The following HMCN1 variants were observed in gnomAD, a reference collection of about 807,000 sequenced individuals.
The protein encoded by HMCN1 is hemicentin-1.
In HMCN1, 321 loss-of-function variants were observed where a neutral mutation model predicts 625.9. The observed-to-expected ratio is 0.51, with a 90% CI of 0.47 to 0.56. The LOEUF (loss-of-function observed/expected upper bound fraction) is 0.56, where lower values mean the gene tolerates loss of function less well. HMCN1 is among the 20% of genes least tolerant of loss of function. The pLI, the probability that HMCN1 is intolerant of heterozygous loss-of-function variation, is 0.00. For synonymous variants in HMCN1, 2,425 were observed against 2,417.6 expected (o/e 1.00, Z -0.09); for missense variants, 6,588 against 6,887.3 (o/e 0.96, Z 1.54).
chr1:185,989,759 C>G (rs1272585326), intron 21 of HMCN1, 112 bp downstream of exon 21: 9 of 920,386 alleles, frequency 9.8e-6, no homozygotes, highest in Non-Finnish European at 1.5e-5. Flanking sequence ...GTGAACTGCT[C>G]CCCCAGATTT....
intron 1 of HMCN1, among the ~76,000 whole-genome samples, chr1:185,838,801 CCTTT>C (rs1249362920): frequency 6.6e-6 from 1 of 152,102 alleles, no homozygotes; most frequent in Non-Finnish European, 1.5e-5. Flanking sequence ...AGCTGAGATT[CCTTT>C]CTTTAAGTGT....
At chr1:185,810,982 T>TA (rs147669428) in intron 1 of HMCN1, among the ~76,000 whole-genome samples, 4,676 of 152,182 alleles carry the variant, frequency 0.031, 259 homozygotes, top group African/African-American at 0.11. Flanking sequence ...ATTTGCTTAT[T>TA]AAAAAACAAA....
intron 4 of HMCN1, among the ~76,000 whole-genome samples, chr1:185,898,482 CT>C (rs1665617392): frequency 6.6e-6 from 1 of 151,492 alleles, no homozygotes; most frequent in South Asian, 2.1e-4. Context: ...TTTTTTTTAA[CT>C]AGAAAGATAG....
At chr1:186,069,947 A>C (rs1212961005) in intron 51 of HMCN1, among the ~76,000 whole-genome samples, 171 bp downstream of exon 51, 1 of 152,218 alleles carries the variant, frequency 6.6e-6, no homozygotes, top group Non-Finnish European at 1.5e-5. Context: ...CTATGGCCTC[A>C]ATTGCTTCAA....
intron 52 of HMCN1, among the ~76,000 whole-genome samples, chr1:186,071,275 GT>G (rs534657256): frequency 1.3e-5 from 2 of 152,058 alleles, no homozygotes; most frequent in Non-Finnish European, 2.9e-5. Flanking sequence ...AAAAGGTAAT[GT>G]TTTAAAATAT....
At chr1:185,783,867 T>G (rs1557965676) in intron 1 of HMCN1, among the ~76,000 whole-genome samples, 1 of 152,190 alleles carries the variant, frequency 6.6e-6, no homozygotes, top group African/African-American at 2.4e-5. Context: ...TGTACCGTCT[T>G]CAAAGCTGTT....
chr1:185,793,070 A>G (rs1658112230), intron 1 of HMCN1, among the ~76,000 whole-genome samples: 1 of 152,068 alleles, frequency 6.6e-6, no homozygotes. Flanking sequence ...GTGTAGATAC[A>G]TTTAGGTTAC....
chr1:186,132,385 C>A lies in HMCN1; in HGVS notation c.13288C>A (p.Arg4430Ser). ...VATNEAGVVE[R>S]SMSLTLQSPP... ...TACCAATGAAGCTGGGGTGGTGGAGCGCAGCATGAGTCTGACTCTGCAAAG... is the reference window on the plus strand; with the variant it reads ...TACCAATGAAGCTGGGGTGGTGGAGAGCAGCATGAGTCTGACTCTGCAAAG... Residue 4430 changes from arginine to serine, a missense_variant, in exon 86 of 107, where the codon CGC (arginine) becomes AGC (serine). Physicochemically the swap from Arg to Ser is moderately radical, Grantham distance 110 (BLOSUM62 -1). This residue lies in a region of HMCN1 where 1,954 missense variants were observed against 2,013.1 expected (regional missense o/e 0.97). Transcript: ENST00000271588. The A allele has an allele frequency of 6.2e-7, 1 of 1,612,210 alleles. No homozygotes were observed.
At position 185,734,759 on chromosome 1, in the gene HMCN1, A is replaced by G. The variant is rs1557928613; in HGVS notation, c.-21A>G. 1 of 1,613,600 alleles carries G rather than the reference A, an allele frequency of 6.2e-7. No individual in the cohort carries two copies. Among genetic ancestry groups the G allele is most frequent in the Non-Finnish European group, 8.5e-7 (1 of 1,179,734 alleles). Reference sequence around the variant, plus strand: ...CAGTGCTTAGGCGCTGAGGGGGAAAAAGAGGGGGAAAAAAAAGAAAATGAT... The same window carrying G: ...CAGTGCTTAGGCGCTGAGGGGGAAAGAGAGGGGGAAAAAAAAGAAAATGAT... On this transcript the variant is annotated 5_prime_UTR_variant, in exon 1 of 107. Transcript: ENST00000271588.
In HMCN1 at chr1:186,112,882, C is replaced by G; in HGVS notation, c.11060C>G (p.Thr3687Arg). The G allele has an allele frequency of 6.2e-7, 1 of 1,614,104 alleles. No individual in the cohort carries two copies. The highest frequency in any genetic ancestry group is 8.5e-7 in the Non-Finnish European group (1 of 1,179,982). The part of the protein sequence containing the change: ...LQINNADLGD[T>R]ANYTCVASNI... ...ATCAACAATGCTGACCTAGGTGATA[C>G]AGCCAATTATACCTGTGTTGCCAGC... The change falls in exon 72 of 107, where the codon ACA (threonine) becomes AGA (arginine). Residue 3687 changes from threonine to arginine, a missense_variant. Coordinates refer to ENST00000271588, the MANE Select transcript of HMCN1 (RefSeq NM_031935.3).
In HMCN1 at chr1:186,125,786, A is replaced by T; in HGVS notation, c.12682A>T (p.Asn4228Tyr). Residue 4228 changes from asparagine to tyrosine, a missense_variant, in exon 82 of 107, where the codon AAT (asparagine) becomes TAT (tyrosine). By Grantham distance (143) the Asn-to-Tyr change is moderately radical. Coordinates refer to ENST00000271588, the MANE Select transcript of HMCN1 (RefSeq NM_031935.3). ...ACCATATGGAGAACTCATTTTAGAA[A>T]ATGTTGTGGTAAGTTTAATGGACGT... ...AEPYGELILE[N>Y]VVLEDSGFYT... 1.2e-6 allele frequency: 2 copies of T among 1,612,646 alleles called. No individual in the cohort carries two copies. The highest frequency in any genetic ancestry group is 1.7e-6 in the Non-Finnish European group (2 of 1,178,852).
chr1:185,903,157 C>T (rs1379843820), intron 4 of HMCN1, among the ~76,000 whole-genome samples: 1 of 151,602 alleles, frequency 6.6e-6, no homozygotes, highest in Non-Finnish European at 1.5e-5. Flanking sequence ...TGAAATATAC[C>T]TTGACACTTT....
At chr1:185,930,636 G>A (rs760046126) in intron 10 of HMCN1, among the ~76,000 whole-genome samples, 20 of 152,014 alleles carry the variant, frequency 1.3e-4, no homozygotes, top group Non-Finnish European at 1.9e-4. Flanking sequence ...CTCAATTTTT[G>A]CCAGCACTTT....
chr1:185,838,460 C>G (rs551843770), intron 1 of HMCN1, among the ~76,000 whole-genome samples: 9 of 152,140 alleles, frequency 5.9e-5, no homozygotes, highest in Non-Finnish European at 1.3e-4. Context: ...CCAGTCTCAA[C>G]CTTTCTTGTT....
intron 1 of HMCN1, among the ~76,000 whole-genome samples, chr1:185,816,727 G>A (rs188999366): frequency 3.5e-4 from 53 of 152,282 alleles, no homozygotes; most frequent in African/African-American, 1.3e-3. Context: ...GGATTTTATG[G>A]ATTTGTAAGC....
At chr1:185,845,975 T>C (rs1223529195) in intron 1 of HMCN1, 51 bp from the exon 2 acceptor site, 2 of 1,174,588 alleles carry the variant, frequency 1.7e-6, no homozygotes, top group Non-Finnish European at 1.3e-6. Flanking sequence ...AAGAAAGTCT[T>C]TAATGCCATT....
chr1:185,933,509 CT>C (rs771798122), intron 10 of HMCN1, 39 bp from the exon 11 acceptor site: 112 of 1,611,586 alleles, frequency 6.9e-5, no homozygotes, highest in Middle Eastern at 1.7e-4. Context: ...AGCAAAATGG[CT>C]TTTAGGTCTC....
chr1:186,075,427 A>G (rs1245700893), intron 53 of HMCN1, among the ~76,000 whole-genome samples: 1 of 152,146 alleles, frequency 6.6e-6, no homozygotes, highest in Admixed American at 6.6e-5. Context: ...AAACAACATA[A>G]CAAAACAGAC....
intron 58 of HMCN1, 119 bp from the exon 59 acceptor site, chr1:186,087,098 G>C (rs774048674): frequency 2.2e-5 from 16 of 717,162 alleles, no homozygotes; most frequent in Non-Finnish European, 2.8e-5. Flanking sequence ...AAATAGGAAG[G>C]CTTCTCTATA....
Sources: gnomAD v4.1 joint callset for allele counts (sites outside exome capture counted in the v4.1 genomes callset) on GRCh38, gnomAD v4.1.1 for gene constraint, gnomAD v4.1.1 regional missense constraint, MANE v1.5 for transcripts, NCBI Gene and HGNC (gene_info 2026-07-23, HGNC 2026-07-21) for gene names.